Variants in DCP1B observed in about 807,000 individuals in gnomAD.
The protein encoded by DCP1B is decapping mRNA 1B, also known as mRNA-decapping enzyme 1B.
DCP1B carries 47 observed loss-of-function variants against 60.5 expected under a neutral mutation model. The observed-to-expected ratio is 0.78, with a 90% CI of 0.61 to 0.99. DCP1B has a LOEUF of 0.99. DCP1B is among the 50% of genes least tolerant of loss of function. The pLI, the probability that DCP1B is intolerant of heterozygous loss-of-function variation, is 0.00. For synonymous variants in DCP1B, 267 were observed against 280.3 expected (o/e 0.95, Z 0.47); for missense variants, 725 against 756.8 (o/e 0.96, Z 0.49).
chr12:1,946,352 G>A, intron 8 of DCP1B, 66 bp from the exon 9 acceptor site: 1 of 1,305,416 alleles, frequency 7.7e-7, no homozygotes, highest in Non-Finnish European at 1.1e-6. Context: ...GGCTTCCTCT[G>A]TCTTAGAGCT....
intron 3 of DCP1B, among the ~76,000 whole-genome samples, chr12:1,982,497 A>C (rs139817765): frequency 7.7e-4 from 117 of 152,282 alleles, no homozygotes; most frequent in South Asian, 1.4e-3. Flanking sequence ...TGTCTGGTTT[A>C]ACTTAGCATA....
intron 2 of DCP1B, among the ~76,000 whole-genome samples, chr12:1,996,672 T>C (rs2040999844): frequency 1.6e-5 from 2 of 121,478 alleles, no homozygotes; most frequent in African/African-American, 6.2e-5. Flanking sequence ...ACTCTTCTAA[T>C]GTTTTAAAGA....
At position 1,952,830 on chromosome 12, in the gene DCP1B, G is replaced by T. The variant is rs1565761439; in HGVS notation, c.1110C>A (p.Asp370Glu). 6.2e-7 allele frequency: 1 copy of T among 1,614,196 alleles called. No individual in the cohort carries two copies. The highest frequency in any genetic ancestry group is 8.5e-7 in the Non-Finnish European group (1 of 1,180,038). Residue 370 changes from aspartate to glutamate, a missense_variant, in exon 7 of 9, where the codon GAC (aspartate) becomes GAA (glutamate). Physicochemically the swap from Asp to Glu is conservative, Grantham distance 45. Coordinates refer to ENST00000280665, the MANE Select transcript of DCP1B (RefSeq NM_152640.5). ...AGCTGGCAGGTGCTGGTGTACTAGG[G>T]TCACACTTGTTTGCTGCCCCTGGGG... ...QSTPGAANKC[D>E]PSTPAPASSA...
At chr12:1,976,942 G>C (rs572094202) in intron 3 of DCP1B, among the ~76,000 whole-genome samples, 1 of 152,222 alleles carries the variant, frequency 6.6e-6, no homozygotes, top group East Asian at 1.9e-4. Flanking sequence ...GATTCTCATA[G>C]GGGTTTGTGA....
intron 3 of DCP1B, among the ~76,000 whole-genome samples, chr12:1,978,045 T>A (rs1051415845): frequency 3.9e-5 from 6 of 152,218 alleles, no homozygotes; most frequent in Middle Eastern, 3.2e-3. Context: ...AAAAATTGAC[T>A]CTCAAGAGAG....
chr12:1,957,245 T>C (rs960683853), intron 5 of DCP1B, among the ~76,000 whole-genome samples: 2 of 152,358 alleles, frequency 1.3e-5, no homozygotes, highest in South Asian at 4.1e-4. Context: ...GAGGCATTTC[T>C]TTAAAACTTC....
chr12:1,986,651 T>A (rs1282840279), intron 3 of DCP1B, among the ~76,000 whole-genome samples: 1 of 121,948 alleles, frequency 8.2e-6, no homozygotes, highest in East Asian at 2.5e-4. Context: ...AAGAGGAGTT[T>A]CTCTCAGGTT....
intron 5 of DCP1B, 80 bp downstream of exon 5, chr12:1,965,478 G>A (rs1308925520): frequency 5.8e-5 from 84 of 1,440,054 alleles, no homozygotes; most frequent in Non-Finnish European, 7.6e-5. Context: ...AGCATCCACA[G>A]TACCTAGTCT....
At chr12:1,963,104 C>T (rs978049313) in intron 5 of DCP1B, among the ~76,000 whole-genome samples, 4 of 152,238 alleles carry the variant, frequency 2.6e-5, no homozygotes, top group African/African-American at 7.2e-5. Context: ...AAGAATATTT[C>T]AAGATGGTGC....
chr12:1,950,188 C>T (rs886563704), intron 7 of DCP1B: 1 of 601,546 alleles, frequency 1.7e-6, no homozygotes, highest in African/African-American at 1.8e-5. Context: ...ATAATCAATC[C>T]CTTAGCGTCT....
At chr12:2,001,547 T>C (rs976082007) in intron 1 of DCP1B, among the ~76,000 whole-genome samples, 2 of 152,176 alleles carry the variant, frequency 1.3e-5, no homozygotes, top group African/African-American at 4.8e-5. Context: ...CAATCTCTAT[T>C]TTAACTTGAT....
rs2042918409 is a variant in DCP1B at position 2,004,337 on chromosome 12, A to G, written c.95T>C (p.Val32Ala). The G allele has an allele frequency of 6.2e-7, 1 of 1,613,284 alleles. No individual in the cohort carries two copies. The highest frequency in any genetic ancestry group is 8.5e-7 in the Non-Finnish European group (1 of 1,179,944). Residue 32 changes from valine (V) to alanine (A), a missense_variant, in exon 1 of 9, where the codon GTG (valine) becomes GCG (alanine). Val to Ala is a moderately conservative substitution (Grantham distance 64). Coordinates refer to ENST00000280665, the MANE Select transcript of DCP1B (RefSeq NM_152640.5). The stretch of plus-strand genomic sequence containing the variant: ...CAGAGCCACCTGGCTGGCCACGTCC[A>G]CGATGCGGTTGATATAGGGGTCGTG... Reference protein sequence around the residue: ...QRHDPYINRIVDVASQVALYT... With the variant: ...QRHDPYINRIADVASQVALYT...
At position 1,989,346 on chromosome 12, in the gene DCP1B, AGAGCAG is replaced by A. The variant is rs370112885; in HGVS notation, c.319+3912_319+3917del. ...GAGCAAGAACTTGTCTCTAAAGAGC[AGAGCAG>A]GAGCAGGAGCAGGAGCAGGAGCAGA... On this transcript the variant is annotated intron_variant, in intron 3 of 8. Coordinates refer to ENST00000280665, the MANE Select transcript of DCP1B (RefSeq NM_152640.5). Among the ~76,000 whole-genome samples the A allele has an allele frequency of 1.7e-3, 261 of 152,262 alleles. 1 individual carries two copies. The highest frequency in any genetic ancestry group is 5.4e-3 in the African/African-American group (223 of 41,542).
intron 3 of DCP1B, among the ~76,000 whole-genome samples, chr12:1,976,847 A>AGAGG (rs1249213701): frequency 4.7e-5 from 6 of 128,784 alleles, no homozygotes; most frequent in Non-Finnish European, 9.8e-5. Flanking sequence ...GGAAAGGGGG[A>AGAGG]GAGGGAGGGA....
intron 3 of DCP1B, among the ~76,000 whole-genome samples, chr12:1,969,544 A>C (rs1476695860): frequency 9.4e-6 from 1 of 106,018 alleles, no homozygotes; most frequent in Non-Finnish European, 1.9e-5. Flanking sequence ...TGGTACACTG[A>C]CTTTTTTTTT....
intron 3 of DCP1B, among the ~76,000 whole-genome samples, chr12:1,969,599 G>C (rs1211399551): frequency 1.4e-5 from 2 of 141,816 alleles, no homozygotes; most frequent in Admixed American, 1.4e-4. Context: ...CATGTGCTAT[G>C]AGAGCTTTTA....
rs1327220878 is a variant in DCP1B, at chr12:1,955,425, T to G, written c.651+7A>C. The G allele has an allele frequency of 6.2e-7, 1 of 1,611,922 alleles. No individual in the cohort carries two copies. Among genetic ancestry groups the G allele is most frequent in the African/African-American group, 1.3e-5 (1 of 74,840 alleles). ...ACACTGAATATGACAAGCAGAGAAC[T>G]CCGTACCTGGTTGGGCTGAGGTATA... On this transcript the variant is annotated splice_region_variant and intron_variant, in intron 6 of 8. Coordinates refer to ENST00000280665, the MANE Select transcript of DCP1B (RefSeq NM_152640.5).
At chr12:1,997,514 G>A (rs1008811691) in intron 2 of DCP1B, among the ~76,000 whole-genome samples, 4 of 152,146 alleles carry the variant, frequency 2.6e-5, no homozygotes, top group Admixed American at 6.5e-5. Context: ...GTGACAGAGC[G>A]AGACTCCATC....
In DCP1B at chr12:1,955,506, T is replaced by C; in HGVS notation, c.577A>G (p.Asn193Asp). 2.5e-6 allele frequency: 4 copies of C among 1,613,984 alleles called. 1 individual carries two copies. In the South Asian group the frequency reaches 3.3e-5, roughly 13 times the overall value. The change falls in exon 6 of 9, where the codon AAT (asparagine) becomes GAT (aspartate). Residue 193 changes from asparagine (N) to aspartate (D), a missense_variant. Transcript: ENST00000280665. ...KITSSSAIYD[N>D]PNLIKPIPVK... ...GGAATTGGTTTGATGAGATTTGGAT[T>C]GTCATAGATGGCAGAGGAACTGGTT...
Sources: gnomAD v4.1 joint callset for allele counts (sites outside exome capture counted in the v4.1 genomes callset) on GRCh38, gnomAD v4.1.1 for gene constraint, MANE v1.5 for transcripts, NCBI Gene and HGNC (gene_info 2026-07-23, HGNC 2026-07-21) for gene names.